The following KAT7 variants were observed in gnomAD, a reference collection of about 807,000 sequenced individuals.
KAT7 encodes the protein lysine acetyltransferase 7.
Under a neutral mutation model 82.1 loss-of-function variants are expected in KAT7, and 10 were observed. The observed-to-expected ratio is 0.12, with a 90% CI of 0.08 to 0.21. The LOEUF (loss-of-function observed/expected upper bound fraction) is 0.21, where lower values mean the gene tolerates loss of function less well. Among genes scored for constraint, KAT7 ranks in the 10% least tolerant of loss-of-function variants. The probability of loss-of-function intolerance (pLI) is 1.00; values close to 1 mark genes in which losing one functional copy is unlikely to be tolerated. For missense variants in KAT7, 378 were observed against 760.9 expected (o/e 0.50, Z 5.92); for synonymous variants, 250 against 262.5 (o/e 0.95, Z 0.46).
chr17:49,790,632 C>T (rs550433892), intron 1 of KAT7, among the ~76,000 whole-genome samples: 44 of 152,260 alleles, frequency 2.9e-4, no homozygotes, highest in East Asian at 1.7e-3. Context: ...ACCTGTTTGG[C>T]GGCAAACCTG....
rs182815329 is a variant in KAT7 at position 49,827,296 on chromosome 17, G to A, written c.1735-105G>A. 3,095 of 718,854 alleles carry A rather than the reference G, an allele frequency of 4.3e-3. 12 individuals are homozygous for A. Among genetic ancestry groups the A allele is most frequent in the Non-Finnish European group, 6.1e-3 (2,429 of 396,532 alleles). 44.5% of individuals were successfully genotyped at this position (718,854 alleles called of 1,614,324 possible). A position where few individuals can be genotyped will look rare whatever the true frequency, so the allele number is the denominator to read the frequency against. Reference sequence around the variant, plus strand: ...ATTTTTTTTGATACCCTAATATGTTGTTAAACCTTTGGCAATTCCTTCTTG... The same window carrying A: ...ATTTTTTTTGATACCCTAATATGTTATTAAACCTTTGGCAATTCCTTCTTG... On this transcript the variant is annotated intron_variant, in intron 14 of 14. Transcript: ENST00000259021.
At chr17:49,824,768 T>C (rs1174332713) in intron 12 of KAT7, 2 of 152,226 alleles carry the variant, frequency 1.3e-5, no homozygotes, top group Admixed American at 6.5e-5. Flanking sequence ...AACTTGATTT[T>C]ATAGAAATTT....
In KAT7 at chr17:49,833,352, T is replaced by C. The variant is rs1247236706; in HGVS notation, c.*5850T>C. Reference sequence around the variant, plus strand: ...TGCAAACAGCTTACCATACATTCAATTCCAAAGTTATCAGAAACCTACACT... The same window carrying C: ...TGCAAACAGCTTACCATACATTCAACTCCAAAGTTATCAGAAACCTACACT... On this transcript the variant is annotated 3_prime_UTR_variant, in exon 15 of 15. Transcript: ENST00000259021. The C allele has an allele frequency of 6.6e-6, 1 of 152,212 alleles. No individual in the cohort carries two copies. Among genetic ancestry groups the C allele is most frequent in the African/African-American group, 2.4e-5 (1 of 41,442 alleles). The allele number at this position is 152,212 out of a possible 1,614,324, so 9.4% of individuals were successfully genotyped here. A position where few individuals can be genotyped will look rare whatever the true frequency, so the allele number is the denominator to read the frequency against.
chr17:49,788,929 A>C (rs1287837360), intron 1 of KAT7, 80 bp downstream of exon 1: 1 of 1,330,432 alleles, frequency 7.5e-7, no homozygotes, highest in African/African-American at 1.5e-5. Flanking sequence ...CACGCCTCAC[A>C]GTGCTTGGGT....
chr17:49,799,812 G>A (rs1306214386), intron 4 of KAT7, among the ~76,000 whole-genome samples: 1 of 151,686 alleles, frequency 6.6e-6, no homozygotes, highest in Non-Finnish European at 1.5e-5. Context: ...ACAGGCACGT[G>A]GCTTTCAAGC....
At chr17:49,827,353 C>T in intron 14 of KAT7, 48 bp from the exon 15 acceptor site, 1 of 1,119,598 alleles carries the variant, frequency 8.9e-7, no homozygotes, top group Non-Finnish European at 1.4e-6. Context: ...TATGTAAAGG[C>T]ACTTGAGTTG....
intron 7 of KAT7, among the ~76,000 whole-genome samples, chr17:49,814,262 G>T (rs906572048): frequency 6.6e-6 from 1 of 152,168 alleles, no homozygotes; most frequent in Non-Finnish European, 1.5e-5. Flanking sequence ...ATAGGCCAAT[G>T]TAAGATGGGT....
At chr17:49,821,241 A>T in intron 9 of KAT7, 96 bp from the exon 10 acceptor site, 1 of 834,246 alleles carries the variant, frequency 1.2e-6, no homozygotes, top group Non-Finnish European at 1.9e-6. Context: ...CCGGTAGCTC[A>T]GTTAACCACA....
At chr17:49,822,054 T>C (rs539896490) in intron 11 of KAT7, among the ~76,000 whole-genome samples, 28 of 152,294 alleles carry the variant, frequency 1.8e-4, no homozygotes, top group Non-Finnish European at 1.5e-5. Flanking sequence ...GAGCCCTCCC[T>C]AGTAACTCAC....
Position 49,831,960 on chromosome 17 carries a change from T to C in KAT7, c.*4458T>C. 1 of 122,356 alleles carries C rather than the reference T, an allele frequency of 8.2e-6. No individual in the cohort carries two copies. The highest frequency in any genetic ancestry group is 1.7e-5 in the Non-Finnish European group (1 of 57,566). The allele number at this position is 122,356 out of a possible 1,614,324, so 7.6% of individuals were successfully genotyped here. A position where few individuals can be genotyped will look rare whatever the true frequency, so the allele number is the denominator to read the frequency against. On this transcript the variant is annotated 3_prime_UTR_variant, in exon 15 of 15. Coordinates refer to ENST00000259021, the MANE Select transcript of KAT7 (RefSeq NM_007067.5). ...AGGCGTGAGCCATTGCACCCAGCCATTTTTTTTTTTTTTAAGACGACGTCT... is the reference window on the plus strand; with the variant it reads ...AGGCGTGAGCCATTGCACCCAGCCACTTTTTTTTTTTTTAAGACGACGTCT...
chr17:49,825,439 G>T (rs1028526682), intron 12 of KAT7, among the ~76,000 whole-genome samples: 1 of 152,130 alleles, frequency 6.6e-6, no homozygotes, highest in Admixed American at 6.5e-5. Flanking sequence ...AATGGTGAAG[G>T]CTTCCAGAGT....
At chr17:49,821,859 T>C (rs2143972958) in intron 11 of KAT7, 69 bp downstream of exon 11, 1 of 1,410,112 alleles carries the variant, frequency 7.1e-7, no homozygotes, top group Middle Eastern at 1.8e-4. Context: ...AGTTGGGGGC[T>C]CAAATCACTG....
intron 6 of KAT7, among the ~76,000 whole-genome samples, 194 bp from the exon 7 acceptor site, chr17:49,811,282 T>A (rs1270128961): frequency 6.6e-6 from 1 of 151,918 alleles, no homozygotes; most frequent in Admixed American, 6.6e-5. Flanking sequence ...AATTTTTGTA[T>A]TTTTAATAGA....
intron 3 of KAT7, 115 bp downstream of exon 3, chr17:49,797,041 T>A (rs2073965622): frequency 2.5e-6 from 2 of 787,044 alleles, no homozygotes; most frequent in Admixed American, 2.4e-5. Flanking sequence ...AGATGAATGC[T>A]GTTTGCTTGC....
rs1051843001 is a variant in KAT7, at chr17:49,831,740, A to C, written c.*4238A>C. Reference sequence around the variant, plus strand: ...CAGTGGTGCGATCTTGGCTCACTGCAAGCTCTGCCTCCCGGGTTCATGCCA... The same window carrying C: ...CAGTGGTGCGATCTTGGCTCACTGCCAGCTCTGCCTCCCGGGTTCATGCCA... On this transcript the variant is annotated 3_prime_UTR_variant, in exon 15 of 15. Coordinates refer to ENST00000259021, the MANE Select transcript of KAT7 (RefSeq NM_007067.5). The C allele has an allele frequency of 2.0e-5, 3 of 152,132 alleles. No homozygotes were observed. Among genetic ancestry groups the C allele is most frequent in the African/African-American group, 7.2e-5 (3 of 41,470 alleles). The allele number at this position is 152,132 out of a possible 1,614,324, so 9.4% of individuals were successfully genotyped here. A position where few individuals can be genotyped will look rare whatever the true frequency, so the allele number is the denominator to read the frequency against.
intron 11 of KAT7, among the ~76,000 whole-genome samples, chr17:49,822,544 T>C (rs1057359705): frequency 6.6e-5 from 10 of 152,152 alleles, no homozygotes; most frequent in African/African-American, 1.9e-4. Flanking sequence ...GTCATAAAAG[T>C]TTATGACTTT....
chr17:49,813,149 G>C (rs961400019), intron 7 of KAT7, among the ~76,000 whole-genome samples: 1 of 151,894 alleles, frequency 6.6e-6, no homozygotes, highest in African/African-American at 2.4e-5. Context: ...AGTGAACATA[G>C]TGATAGGTAG....
In KAT7 at chr17:49,805,480, T is replaced by C. The variant is rs868418503; in HGVS notation, c.663+35T>C. On this transcript the variant is annotated intron_variant, in intron 5 of 14. Transcript: ENST00000259021. ...CTCTCATTTATTCAACACATGCTTATTGAGTGCTTACCGTTTGCCAGGCAC... is the reference window on the plus strand; with the variant it reads ...CTCTCATTTATTCAACACATGCTTACTGAGTGCTTACCGTTTGCCAGGCAC... 44 of 1,490,862 alleles carry C rather than the reference T, an allele frequency of 3.0e-5. No homozygotes were observed. In the Middle Eastern group the frequency reaches 5.2e-3, roughly 175 times the overall value. 92.4% of individuals were successfully genotyped at this position (1,490,862 alleles called of 1,614,324 possible).
At position 49,827,439 on chromosome 17, in the gene KAT7, G is replaced by A. The variant is rs1381959548; in HGVS notation, c.1773G>A (p.Arg591=). Residue 591 remains arginine (R), a synonymous_variant, in exon 15 of 15, where the codon AGG becomes AGA. Coordinates refer to ENST00000259021, the MANE Select transcript of KAT7 (RefSeq NM_007067.5). Reference sequence around the variant, plus strand: ...AGTGGATAGCCAAAGAGGCCAAAAGGTCCAACTCCAATAAAACCATGGATC... The same window carrying A: ...AGTGGATAGCCAAAGAGGCCAAAAGATCCAACTCCAATAAAACCATGGATC... ...IDEWIAKEAK[R]SNSNKTMDPS... is the part of the protein sequence containing the mutation. 1.2e-6 allele frequency: 2 copies of A among 1,613,770 alleles called. No homozygotes were observed. Among genetic ancestry groups the A allele is most frequent in the Admixed American group, 1.7e-5 (1 of 60,004 alleles).
Sources: gnomAD v4.1 joint callset for allele counts (sites outside exome capture counted in the v4.1 genomes callset) on GRCh38, gnomAD v4.1.1 for gene constraint, MANE v1.5 for transcripts, NCBI Gene and HGNC (gene_info 2026-07-23, HGNC 2026-07-21) for gene names.